SPSB4: variants seen among roughly 807,000 people sequenced by gnomAD.
The protein encoded by SPSB4 is SPRY domain-containing SOCS box protein 4.
A neutral mutation model predicts 20.9 loss-of-function variants in SPSB4; 21 were observed. The ratio of observed to expected loss-of-function variants is 1.01; its 90% confidence interval spans 0.71 to 1.45. SPSB4 has a LOEUF of 1.45. Ranked by LOEUF, SPSB4 falls within the 40% of genes most tolerant of loss-of-function variation. SPSB4 has a pLI of 0.00. For missense variants in SPSB4, 399 were observed against 399.2 expected (o/e 1.00, Z 0.00); for synonymous variants, 207 against 183.8 (o/e 1.13, Z -1.02).
At chr3:141,082,623 C>G (rs7610795) in intron 2 of SPSB4, among the ~76,000 whole-genome samples, 78,979 of 129,066 alleles carry the variant, frequency 0.61, 23,193 homozygotes, top group Non-Finnish European at 0.71. Flanking sequence ...CAGGTGCTAT[C>G]TATCTATCTA....
chr3:141,075,326 G>A (rs796762043), intron 2 of SPSB4, among the ~76,000 whole-genome samples: 14 of 152,264 alleles, frequency 9.2e-5, no homozygotes, highest in African/African-American at 2.2e-4. Flanking sequence ...CCTCCTGCAT[G>A]TCAGAGACCC....
chr3:141,139,410 G>A (rs1432366288), intron 2 of SPSB4, among the ~76,000 whole-genome samples: 1 of 152,196 alleles, frequency 6.6e-6, no homozygotes, highest in Non-Finnish European at 1.5e-5. Context: ...CTCGTTAGTT[G>A]ATGCATTTTC....
chr3:141,102,078 C>T (rs1308671695), intron 2 of SPSB4, among the ~76,000 whole-genome samples: 2 of 152,196 alleles, frequency 1.3e-5, no homozygotes, highest in Non-Finnish European at 2.9e-5. Flanking sequence ...TTGATTCATT[C>T]ATTCCTTCAT....
chr3:141,131,548 CCTAA>C (rs1280609842), intron 2 of SPSB4, among the ~76,000 whole-genome samples: 4 of 151,942 alleles, frequency 2.6e-5, no homozygotes, highest in African/African-American at 9.7e-5. Context: ...TCACCTCTGC[CCTAA>C]CTTCATCACC....
intron 2 of SPSB4, among the ~76,000 whole-genome samples, chr3:141,136,931 A>G (rs1303287210): frequency 1.3e-5 from 2 of 152,192 alleles, no homozygotes; most frequent in Non-Finnish European, 2.9e-5. Context: ...AACCTTGGGC[A>G]GTATGGCCAT....
chr3:141,054,458 A>C (rs1433282428), intron 1 of SPSB4, among the ~76,000 whole-genome samples: 1 of 152,242 alleles, frequency 6.6e-6, no homozygotes, highest in Non-Finnish European at 1.5e-5. Flanking sequence ...GTTCCTACAT[A>C]AGCCAACTAA....
intron 2 of SPSB4, among the ~76,000 whole-genome samples, chr3:141,106,016 C>T (rs1249766246): frequency 6.6e-6 from 1 of 152,188 alleles, no homozygotes; most frequent in Admixed American, 6.5e-5. Context: ...GCAAAGACAA[C>T]AGCTATGGGC....
intron 2 of SPSB4, chr3:141,077,155 C>T (rs1402437039): frequency 6.6e-6 from 1 of 152,248 alleles, no homozygotes; most frequent in Non-Finnish European, 1.5e-5. Flanking sequence ...GGCTGTGCCG[C>T]TTAATGGCCC....
rs187738211 is a variant in SPSB4 at position 141,140,527 on chromosome 3, C to G, written c.695-6615C>G. Among the ~76,000 whole-genome samples the G allele has an allele frequency of 2.8e-3, 426 of 152,226 alleles. 2 individuals are homozygous for G. Among genetic ancestry groups the G allele is most frequent in the African/African-American group, 9.1e-3 (379 of 41,534 alleles). On this transcript the variant is annotated intron_variant, in intron 2 of 2. Transcript: ENST00000310546. Reference sequence around the variant, plus strand: ...GGTTTTTGGTGTGGATGTCCTTTCTCTTTGTTAGTTTTCCTTCTAACAGAC... The same window carrying G: ...GGTTTTTGGTGTGGATGTCCTTTCTGTTTGTTAGTTTTCCTTCTAACAGAC...
At chr3:141,127,883 G>A (rs1015686813) in intron 2 of SPSB4, among the ~76,000 whole-genome samples, 6 of 152,164 alleles carry the variant, frequency 3.9e-5, no homozygotes, top group East Asian at 1.9e-4. Flanking sequence ...ACTGAGAACC[G>A]AACCGAATTC....
At chr3:141,081,565 G>A (rs1023138955) in intron 2 of SPSB4, among the ~76,000 whole-genome samples, 1 of 152,098 alleles carries the variant, frequency 6.6e-6, no homozygotes, top group African/African-American at 2.4e-5. Flanking sequence ...AAAGGTCTTT[G>A]GTGGTGGGGG....
chr3:141,075,804 T>C (rs1037400972), intron 2 of SPSB4, among the ~76,000 whole-genome samples: 1 of 147,720 alleles, frequency 6.8e-6, no homozygotes, highest in East Asian at 2.0e-4. Context: ...CCCAGCACTT[T>C]GGGAGGCCGA....
At chr3:141,127,990 C>T (rs947029608) in intron 2 of SPSB4, among the ~76,000 whole-genome samples, 25 of 152,222 alleles carry the variant, frequency 1.6e-4, no homozygotes, top group African/African-American at 5.8e-4. Flanking sequence ...GACCTCATAC[C>T]CTTGGTTCCT....
At chr3:141,140,445 TC>T (rs1939306031) in intron 2 of SPSB4, among the ~76,000 whole-genome samples, 1 of 152,224 alleles carries the variant, frequency 6.6e-6, no homozygotes, top group African/African-American at 2.4e-5. Context: ...CTCTGTTTTT[TC>T]CCCATCTTTG....
At position 141,066,279 on chromosome 3, in the gene SPSB4, G is replaced by A. The variant is rs151301252; in HGVS notation, c.175G>A (p.Glu59Lys). Residue 59 changes from glutamate (E) to lysine (K), a missense_variant, in exon 2 of 3, where the codon GAG (glutamate) becomes AAG (lysine). Coordinates refer to ENST00000310546, the MANE Select transcript of SPSB4 (RefSeq NM_080862.3). Reference protein sequence around the residue: ...AVQLRHAWNPEDRSLNVFVKD... With the variant: ...AVQLRHAWNPKDRSLNVFVKD... ...GCAGCTGCGGCACGCGTGGAACCCC[G>A]AGGACCGCTCGCTCAACGTCTTCGT... is the stretch of plus-strand genomic sequence containing the variant. 1.8e-4 allele frequency: 276 copies of A among 1,563,268 alleles called. No individual in the cohort carries two copies. The highest frequency in any genetic ancestry group is 2.3e-4 in the Non-Finnish European group (265 of 1,155,726).
At position 141,097,756 on chromosome 3, in the gene SPSB4, G is replaced by C. The variant is rs544431784; in HGVS notation, c.694+30958G>C. 9.3e-3 allele frequency among the ~76,000 whole-genome samples: 1,154 copies of C among 123,686 alleles called. 10 individuals carry two copies. Among genetic ancestry groups the C allele is most frequent in the African/African-American group, 0.031 (1,033 of 33,358 alleles). The allele number at this position is 123,686 out of a possible 152,430, so 81.1% of individuals were successfully genotyped here. ...GAACTGAGATGTGGCTGGTCCCACA[G>C]AGCAAAAGGTCAGTGAGCCTCTGAT... is the stretch of plus-strand genomic sequence containing the variant. On this transcript the variant is annotated intron_variant, in intron 2 of 2. Transcript: ENST00000310546.
chr3:141,115,153 G>A (rs1217305193), intron 2 of SPSB4: 2 of 152,192 alleles, frequency 1.3e-5, no homozygotes, highest in African/African-American at 2.4e-5. Context: ...GGTTTTTTAC[G>A]TAGTTACGGA....
At chr3:141,089,302 G>A (rs955065133) in intron 2 of SPSB4, among the ~76,000 whole-genome samples, 7 of 152,196 alleles carry the variant, frequency 4.6e-5, no homozygotes, top group African/African-American at 1.7e-4. Context: ...ACAAAGATTG[G>A]CCAAAACGGT....
At chr3:141,120,570 A>G (rs1443214801) in intron 2 of SPSB4, among the ~76,000 whole-genome samples, 1 of 151,626 alleles carries the variant, frequency 6.6e-6, no homozygotes, top group Admixed American at 6.6e-5. Flanking sequence ...ATCTCTAAGG[A>G]CTTCCTTTAT....
Sources: allele counts gnomAD v4.1 joint callset (sites outside exome capture counted in the v4.1 genomes callset), GRCh38; gene constraint gnomAD v4.1.1; transcripts MANE v1.5; gene names NCBI Gene and HGNC (gene_info 2026-07-23, HGNC 2026-07-21).